PRKN: variants seen among roughly 807,000 people sequenced by gnomAD.
PRKN encodes the protein parkin RBR E3 ubiquitin protein ligase, also known as E3 ubiquitin-protein ligase parkin.
A neutral mutation model predicts 59.5 loss-of-function variants in PRKN; 56 were observed. The observed-to-expected ratio is 0.94, with a 90% CI of 0.76 to 1.18. PRKN has a LOEUF of 1.18. PRKN is among the 50% of genes most tolerant of loss of function. The pLI is 0.00. For missense variants in PRKN, 657 were observed against 596.4 expected (o/e 1.10, Z -1.06); for synonymous variants, 250 against 222.1 (o/e 1.13, Z -1.12).
chr6:162,349,584 T>G (rs1483823076), intron 2 of PRKN, among the ~76,000 whole-genome samples: 2 of 152,052 alleles, frequency 1.3e-5, no homozygotes, highest in Non-Finnish European at 2.9e-5. Flanking sequence ...GATAAAAAAT[T>G]AACATTTTTC....
At chr6:162,260,797 A>T (rs1324292661) in intron 3 of PRKN, among the ~76,000 whole-genome samples, 2 of 152,216 alleles carry the variant, frequency 1.3e-5, no homozygotes, top group African/African-American at 4.8e-5. Context: ...GCTCTAAACA[A>T]TGTGATTTTT....
In PRKN at chr6:161,530,635, C is replaced by G. The variant is rs574035642; in HGVS notation, c.1083+18219G>C. On this transcript the variant is annotated intron_variant, in intron 9 of 11. Transcript: ENST00000366898. The surrounding 1 kb of genome is among the most constrained non-coding windows in gnomAD (Gnocchi z 5.0). ...AGGTTCAAGCGCTTCTCCTGCCTAG[C>G]CTCCCAAGTAGCTGGGATTACAGGC... Among the ~76,000 whole-genome samples, 3 of 152,182 alleles carry G rather than the reference C, an allele frequency of 2.0e-5. No homozygotes were observed. In the South Asian group the frequency reaches 6.2e-4, roughly 32 times the overall value.
chr6:161,859,269 C>T (rs1389583685), intron 6 of PRKN, among the ~76,000 whole-genome samples: 2 of 151,988 alleles, frequency 1.3e-5, no homozygotes, highest in Non-Finnish European at 2.9e-5. Context: ...GCCACGTGTG[C>T]TAATTGCGTA....
At chr6:162,554,815 A>G (rs1312033565) in intron 1 of PRKN, among the ~76,000 whole-genome samples, 1 of 152,184 alleles carries the variant, frequency 6.6e-6, no homozygotes, top group Non-Finnish European at 1.5e-5. Context: ...CACCACAGAA[A>G]TGTTCTAAAA....
intron 7 of PRKN, among the ~76,000 whole-genome samples, chr6:161,710,350 A>G (rs6939504): frequency 0.036 from 5,443 of 152,286 alleles, 350 homozygotes; most frequent in African/African-American, 0.13. Flanking sequence ...ACATCCACGT[A>G]AACCCGTCCT....
intron 7 of PRKN, among the ~76,000 whole-genome samples, chr6:161,664,994 G>A (rs1228896276): frequency 1.3e-5 from 2 of 151,842 alleles, no homozygotes; most frequent in Non-Finnish European, 2.9e-5. Flanking sequence ...CACCATATTG[G>A]CCAGGCTGGT....
At chr6:162,622,929 TC>T in intron 1 of PRKN, among the ~76,000 whole-genome samples, 1 of 152,246 alleles carries the variant, frequency 6.6e-6, no homozygotes, top group African/African-American at 2.4e-5. Context: ...TGAACACCTT[TC>T]CCACTTTTCC....
chr6:162,464,584 G>T (rs1187352649), intron 1 of PRKN, among the ~76,000 whole-genome samples: 1 of 151,164 alleles, frequency 6.6e-6, no homozygotes, highest in Non-Finnish European at 1.5e-5. Context: ...GGGAGGCCGA[G>T]GCGTGTGGAT....
chr6:162,314,466 A>G (rs1019458665), intron 2 of PRKN, among the ~76,000 whole-genome samples: 3 of 152,078 alleles, frequency 2.0e-5, no homozygotes, highest in Non-Finnish European at 4.4e-5. Context: ...TTTGCCCTTT[A>G]GAGTAATTTA....
At position 161,448,361 on chromosome 6, in the gene PRKN, A is replaced by C. The variant is rs1473396205; in HGVS notation, c.1084-61484T>G. 6.6e-6 allele frequency among the ~76,000 whole-genome samples: 1 copy of C among 152,202 alleles called. No homozygotes were observed. Among genetic ancestry groups the C allele is most frequent in the Admixed American group, 6.5e-5 (1 of 15,280 alleles). ...GATGGACATATACACATGCATATAC[A>C]CGTATGTGTACATACACATATGTAA... On this transcript the variant is annotated intron_variant, in intron 9 of 11. Transcript: ENST00000366898. This position sits in a 1 kb window ranked among gnomAD's most constrained non-coding sequence, Gnocchi z 5.1.
intron 4 of PRKN, among the ~76,000 whole-genome samples, chr6:162,141,061 C>A (rs1781758425): frequency 1.3e-5 from 2 of 152,010 alleles, no homozygotes; most frequent in Middle Eastern, 6.8e-3. Context: ...ACCCGGGAGG[C>A]GGAGCTTGCA....
chr6:161,986,398 C>G (rs1781437105), intron 5 of PRKN, among the ~76,000 whole-genome samples: 1 of 152,136 alleles, frequency 6.6e-6, no homozygotes, highest in Admixed American at 6.5e-5. Flanking sequence ...GAGCTAATCC[C>G]CAATTTAGGT....
intron 1 of PRKN, among the ~76,000 whole-genome samples, chr6:162,571,737 G>A (rs1780336703): frequency 6.6e-6 from 1 of 152,160 alleles, no homozygotes; most frequent in South Asian, 2.1e-4. Context: ...AGCCTGGCAT[G>A]GAGCTAGGAG....
intron 6 of PRKN, among the ~76,000 whole-genome samples, chr6:161,850,785 A>G (rs1424764171): frequency 6.6e-6 from 1 of 152,060 alleles, no homozygotes; most frequent in Non-Finnish European, 1.5e-5. Flanking sequence ...ATTCTACTCC[A>G]TTTGCATTCA....
Position 162,279,278 on chromosome 6 carries a change from C to G in PRKN, c.172-16513G>C, listed in dbSNP as rs533570103. ...GCTTGAACCTGGGAGGCTGAGGTTG[C>G]AGTGAGCTGACATTGCACCATTGCA... On this transcript the variant is annotated intron_variant, in intron 2 of 11. Coordinates refer to ENST00000366898, the MANE Select transcript of PRKN (RefSeq NM_004562.3). Among the ~76,000 whole-genome samples, 93 of 151,746 alleles carry G rather than the reference C, an allele frequency of 6.1e-4. 1 individual carries two copies. Among genetic ancestry groups the G allele is most frequent in the African/African-American group, 1.8e-3 (76 of 41,378 alleles).
chr6:161,754,243 C>T (rs1007049973), intron 7 of PRKN, among the ~76,000 whole-genome samples: 1 of 151,946 alleles, frequency 6.6e-6, no homozygotes, highest in Non-Finnish European at 1.5e-5. Flanking sequence ...TCACAGCAGG[C>T]CATGCTCAGG....
chr6:162,037,057 GA>G (rs544991884), intron 5 of PRKN, among the ~76,000 whole-genome samples: 82 of 152,220 alleles, frequency 5.4e-4, no homozygotes, highest in African/African-American at 1.9e-3. Context: ...TAGTTTGGGG[GA>G]AAGTGGAAAT....
At chr6:162,477,608 C>T (rs1036340752) in intron 1 of PRKN, among the ~76,000 whole-genome samples, 1 of 152,250 alleles carries the variant, frequency 6.6e-6, no homozygotes, top group East Asian at 1.9e-4. Flanking sequence ...GTTCACAGTC[C>T]TTTACGATTC....
At chr6:162,334,841 G>C (rs150569113) in intron 2 of PRKN, among the ~76,000 whole-genome samples, 101 of 152,196 alleles carry the variant, frequency 6.6e-4, no homozygotes, top group African/African-American at 2.2e-3. Context: ...AATATGAACA[G>C]GAATTAGAAG....
Sources: gnomAD v4.1 joint callset for allele counts (sites outside exome capture counted in the v4.1 genomes callset) on GRCh38, gnomAD v4.1.1 for gene constraint, Gnocchi (gnomAD v3.1) non-coding constraint, MANE v1.5 for transcripts, NCBI Gene and HGNC (gene_info 2026-07-23, HGNC 2026-07-21) for gene names.